Variants in BCKDHB observed in about 807,000 individuals in gnomAD.
BCKDHB encodes 2-oxoisovalerate dehydrogenase subunit beta, mitochondrial.
BCKDHB carries 41 observed loss-of-function variants against 48.5 expected under a neutral mutation model. The observed-to-expected ratio is 0.85, with a 90% confidence interval of 0.66 to 1.10. The LOEUF (loss-of-function observed/expected upper bound fraction) is 1.10. BCKDHB is among the 50% of genes least tolerant of loss of function. The pLI is 0.00. For synonymous variants in BCKDHB, 201 were observed against 174.8 expected, an observed-to-expected ratio of 1.15 and a Z score of -1.18; for missense variants, 496 against 494.2, an observed-to-expected ratio of 1.00 and a Z score of -0.03.
chr6:80,124,158 G>T (rs1200937455), intron 1 of BCKDHB, among the ~76,000 whole-genome samples: 1 of 152,164 alleles, frequency 6.6e-6, no homozygotes, highest in African/African-American at 2.4e-5. Context: ...TTACCCAGTA[G>T]TCATTCAGGA....
At chr6:80,326,072 C>A (rs1769017391) in intron 9 of BCKDHB, among the ~76,000 whole-genome samples, 1 of 152,114 alleles carries the variant, frequency 6.6e-6, no homozygotes, top group Non-Finnish European at 1.5e-5. Flanking sequence ...TTAATTGTGA[C>A]AAATACACTA....
chr6:80,185,672 T>A (rs1423416344), intron 6 of BCKDHB, among the ~76,000 whole-genome samples: 1 of 152,192 alleles, frequency 6.6e-6, no homozygotes, highest in East Asian at 1.9e-4. Flanking sequence ...AGAGCTGGAC[T>A]GCAGTTCTTG....
intron 8 of BCKDHB, among the ~76,000 whole-genome samples, chr6:80,205,946 G>C (rs965903812): frequency 6.6e-6 from 1 of 151,724 alleles, no homozygotes; most frequent in Non-Finnish European, 1.5e-5. Flanking sequence ...CTTGCTATTT[G>C]GTCTCAACCA....
intron 7 of BCKDHB, among the ~76,000 whole-genome samples, chr6:80,202,219 T>C (rs1341230551): frequency 6.6e-6 from 1 of 152,200 alleles, no homozygotes; most frequent in Non-Finnish European, 1.5e-5. Context: ...AAGAGGTGTC[T>C]GGTTTACTTA....
At chr6:80,195,412 A>G (rs1020645154) in intron 6 of BCKDHB, among the ~76,000 whole-genome samples, 1 of 152,174 alleles carries the variant, frequency 6.6e-6, no homozygotes, top group African/African-American at 2.4e-5. Context: ...GTTGGTATAG[A>G]AGTGAAAATT....
chr6:80,210,903 T>C (rs1774902953), intron 8 of BCKDHB, among the ~76,000 whole-genome samples: 1 of 152,096 alleles, frequency 6.6e-6, no homozygotes, highest in South Asian at 2.1e-4. Flanking sequence ...ACATTCAAAA[T>C]GAGTTAAAAA....
chr6:80,161,601 T>G (rs2127766487), intron 3 of BCKDHB, among the ~76,000 whole-genome samples: 1 of 152,326 alleles, frequency 6.6e-6, no homozygotes, highest in South Asian at 2.1e-4. Context: ...GCTGATCCTC[T>G]TTGTTCCCAG....
chr6:80,391,177 A>ATGTGTGTGTG, the BCKDHB span, among the ~76,000 whole-genome samples: 8 of 149,220 alleles, frequency 5.4e-5, no homozygotes, highest in South Asian at 4.4e-4. Context: ...GCATATATAT[A>ATGTGTGTGTG]TGTGTGTGTG....
At position 80,338,649 on chromosome 6, in the gene BCKDHB, T is replaced by C. The variant is rs376549841; in HGVS notation, c.1039-5015T>C. Among the ~76,000 whole-genome samples, 66 of 152,344 alleles carry C rather than the reference T, an allele frequency of 4.3e-4. 1 individual carries two copies. The highest frequency in any genetic ancestry group is 1.6e-3 in the African/African-American group (65 of 41,578). On this transcript the variant is annotated intron_variant, in intron 9 of 9. Transcript: ENST00000320393. ...TTCAGGTTTGACCGTTCTGTGTACC[T>C]GAATTTTGTCTTTAATGATAATTTG...
chr6:80,465,399 T>C, the BCKDHB span, among the ~76,000 whole-genome samples: 2 of 152,242 alleles, frequency 1.3e-5, no homozygotes, highest in African/African-American at 4.8e-5. Flanking sequence ...TTCCAAACTA[T>C]AGTACAACTG....
rs199958712 is a variant in BCKDHB, at chr6:80,169,033, A to G, written c.633+3A>G. ...TTGCCCATTGCCCAGGAATCAAGGT[A>G]TGTTCATTTATGTACTTTATTTGAT... On this transcript the variant is annotated splice_donor_region_variant and intron_variant, in intron 5 of 9. Transcript: ENST00000320393. 1 of 1,613,070 alleles carries G rather than the reference A, an allele frequency of 6.2e-7. No homozygotes were observed. Among genetic ancestry groups the G allele is most frequent in the East Asian group, 2.2e-5 (1 of 44,870 alleles).
At chr6:80,313,045 A>G (rs530848162) in intron 9 of BCKDHB, among the ~76,000 whole-genome samples, 1 of 152,188 alleles carries the variant, frequency 6.6e-6, no homozygotes, top group Admixed American at 6.5e-5. Context: ...TCAGCTGTGA[A>G]TCCATCTGGT....
chr6:80,383,655 G>A, the BCKDHB span, among the ~76,000 whole-genome samples: 1 of 151,332 alleles, frequency 6.6e-6, no homozygotes, highest in Non-Finnish European at 1.5e-5. Flanking sequence ...CCAATCTCTT[G>A]TCTCTTTAGA....
At chr6:80,405,793 A>G in the BCKDHB span, among the ~76,000 whole-genome samples, 9 of 152,154 alleles carry the variant, frequency 5.9e-5, no homozygotes, top group East Asian at 1.9e-4. Context: ...TACTGATAGC[A>G]TATAAAACAT....
Position 80,128,872 on chromosome 6 carries a change from CTGTGTGTGTGTG to C in BCKDHB, c.275-264_275-253del, listed in dbSNP as rs60116640. ...GTGAAGACACTTTTTGTTGTCTCAA[CTGTGTGTGTGTG>C]TGTGTGTGTGTGTGTGTGTGTGTGG... On this transcript the variant is annotated intron_variant, in intron 2 of 9. Coordinates refer to ENST00000320393, the MANE Select transcript of BCKDHB (RefSeq NM_183050.4). Among the ~76,000 whole-genome samples, 262 of 147,522 alleles carry C rather than the reference CTGTGTGTGTGTG, an allele frequency of 1.8e-3. 1 individual carries two copies. Among genetic ancestry groups the C allele is most frequent in the African/African-American group, 6.2e-3 (250 of 40,082 alleles).
At chr6:80,278,681 C>T (rs1481520154) in intron 9 of BCKDHB, among the ~76,000 whole-genome samples, 5 of 152,116 alleles carry the variant, frequency 3.3e-5, no homozygotes, top group South Asian at 2.1e-4. Context: ...GCCTCAGCCT[C>T]CTGAGTAGCT....
At chr6:80,212,654 A>C (rs986939392) in intron 8 of BCKDHB, among the ~76,000 whole-genome samples, 7 of 152,230 alleles carry the variant, frequency 4.6e-5, no homozygotes, top group Non-Finnish European at 8.8e-5. Flanking sequence ...TAAGAGATTA[A>C]AGTAAAGACA....
At chr6:80,321,771 T>C (rs904782915) in intron 9 of BCKDHB, among the ~76,000 whole-genome samples, 1 of 152,210 alleles carries the variant, frequency 6.6e-6, no homozygotes. Context: ...TATTCAATAG[T>C]AATCAAAACA....
chr6:80,309,066 T>C (rs59232999), intron 9 of BCKDHB, among the ~76,000 whole-genome samples: 45,165 of 151,386 alleles, frequency 0.3, 7,155 homozygotes, highest in Non-Finnish European at 0.37. Context: ...TTTTTTTGTT[T>C]TTTGTTTTTT....
Sources: gnomAD v4.1 joint callset for allele counts (sites outside exome capture counted in the v4.1 genomes callset) on GRCh38, gnomAD v4.1.1 for gene constraint, MANE v1.5 for transcripts, NCBI Gene and HGNC (gene_info 2026-07-23, HGNC 2026-07-21) for gene names.